MAP2: variants seen among roughly 807,000 people sequenced by gnomAD.
The protein encoded by MAP2 is microtubule-associated protein 2.
In MAP2, 14 loss-of-function variants were observed where a neutral mutation model predicts 137.6. The ratio of observed to expected loss-of-function variants is 0.10; its 90% CI spans 0.07 to 0.16. The LOEUF (loss-of-function observed/expected upper bound fraction) is 0.16. Among genes scored for constraint, MAP2 ranks in the 10% least tolerant of loss-of-function variants. MAP2 has a pLI of 1.00. For missense variants in MAP2, 2,088 were observed against 2,191.5 expected, an observed-to-expected ratio of 0.95 and a Z score of 0.94; for synonymous variants, 786 against 782.3, an observed-to-expected ratio of 1.00 and a Z score of -0.08.
intron 4 of MAP2, among the ~76,000 whole-genome samples, chr2:209,639,374 ATTAAT>A (rs1318046811): frequency 6.6e-6 from 1 of 152,186 alleles, no homozygotes; most frequent in East Asian, 1.9e-4. Flanking sequence ...ATTAGACTGT[ATTAAT>A]TTGAGGATTA....
intron 2 of MAP2, among the ~76,000 whole-genome samples, chr2:209,517,601 A>G (rs2062696008): frequency 6.6e-6 from 1 of 152,096 alleles, no homozygotes; most frequent in Non-Finnish European, 1.5e-5. Context: ...TAAAGCCCAC[A>G]TTATTGTAGT....
rs1002848404 is a variant in MAP2, at chr2:209,530,220, C to T, written c.-172+22579C>T. The stretch of plus-strand genomic sequence containing the variant: ...GGGAGAAATGCAGAGATGGGCATGA[C>T]CTCTCCCTTTACACACATTTCTGAC... On this transcript the variant is annotated intron_variant, in intron 2 of 15. Coordinates refer to ENST00000682079, the MANE Select transcript of MAP2 (RefSeq NM_001375505.1). Among the ~76,000 whole-genome samples, 6 of 152,054 alleles carry T rather than the reference C, an allele frequency of 3.9e-5. No individual in the cohort carries two copies. The South Asian group carries it at 1.2e-3, about 32-fold the overall frequency.
chr2:209,537,732 A>G (rs2066206494), intron 2 of MAP2, among the ~76,000 whole-genome samples: 1 of 152,150 alleles, frequency 6.6e-6, no homozygotes, highest in African/African-American at 2.4e-5. Context: ...ATTCTAATAA[A>G]TCCTGGACTT....
intron 2 of MAP2, among the ~76,000 whole-genome samples, chr2:209,524,180 A>G (rs2063684305): frequency 6.6e-6 from 1 of 152,202 alleles, no homozygotes. Context: ...TTAGATGCTC[A>G]GTGATGCATA....
chr2:209,592,354 GACTT>G (rs1234301415), intron 3 of MAP2, among the ~76,000 whole-genome samples: 2 of 152,242 alleles, frequency 1.3e-5, no homozygotes, highest in African/African-American at 4.8e-5. Context: ...CACAAGTCAT[GACTT>G]ACTTACCCTC....
At chr2:209,660,884 G>A (rs1163770577) in intron 5 of MAP2, among the ~76,000 whole-genome samples, 4 of 148,594 alleles carry the variant, frequency 2.7e-5, no homozygotes, top group African/African-American at 5.0e-5. Flanking sequence ...ACAGGTGCCC[G>A]CCACCACGCC....
chr2:209,456,237 G>A (rs1342075160), intron 1 of MAP2, among the ~76,000 whole-genome samples: 1 of 152,102 alleles, frequency 6.6e-6, no homozygotes, highest in Non-Finnish European at 1.5e-5. Context: ...GCATCCTTAG[G>A]AATTATAATC....
intron 12 of MAP2, among the ~76,000 whole-genome samples, chr2:209,705,992 T>C (rs890782753): frequency 6.6e-6 from 1 of 152,166 alleles, no homozygotes; most frequent in Non-Finnish European, 1.5e-5. Flanking sequence ...ATTTTTCTTT[T>C]TGCTTCAAAT....
At chr2:209,489,464 CT>C (rs2058801970) in intron 1 of MAP2, among the ~76,000 whole-genome samples, 1 of 152,134 alleles carries the variant, frequency 6.6e-6, no homozygotes, top group Non-Finnish European at 1.5e-5. Flanking sequence ...CAGAAGTAGG[CT>C]TCAGAAGGTG....
At chr2:209,476,192 CT>C (rs1707167845) in intron 1 of MAP2, among the ~76,000 whole-genome samples, 1 of 151,918 alleles carries the variant, frequency 6.6e-6, no homozygotes, top group Non-Finnish European at 1.5e-5. Flanking sequence ...ATTGTGGATC[CT>C]AGTTTTGGAA....
chr2:209,690,551 G>A lies in MAP2; in HGVS notation c.455-2074G>A, dbSNP rs147303545. 64 of 1,209,068 alleles carry A rather than the reference G, an allele frequency of 5.3e-5. No individual in the cohort carries two copies. The African/African-American group carries it at 6.8e-4, about 13-fold the overall frequency. The allele number at this position is 1,209,068 out of a possible 1,614,324, so 74.9% of individuals were successfully genotyped here. On this transcript the variant is annotated intron_variant, in intron 7 of 15. Transcript: ENST00000682079. ...GTGTTCCTTTAGCAATATTTCTGTC[G>A]TTTCATGTATTGTTCTGTGGTCATG...
intron 3 of MAP2, among the ~76,000 whole-genome samples, chr2:209,593,745 AT>A (rs1164782433): frequency 1.2e-3 from 1 of 818 alleles, no homozygotes; most frequent in African/African-American, 1.3e-3. Context: ...AATACATTAT[AT>A]TATATTATAT....
intron 7 of MAP2, among the ~76,000 whole-genome samples, chr2:209,685,097 A>G (rs912560239): frequency 3.2e-4 from 48 of 152,118 alleles, no homozygotes; most frequent in Admixed American, 1.1e-3. Context: ...CCAAAATGTT[A>G]TGGTTTATGT....
intron 3 of MAP2, among the ~76,000 whole-genome samples, chr2:209,620,789 T>A (rs2090910784): frequency 6.6e-6 from 1 of 152,204 alleles, no homozygotes; most frequent in African/African-American, 2.4e-5. Flanking sequence ...TTGCTCAAAA[T>A]CTTGGTAGGT....
chr2:209,497,910 A>G (rs1005129770), intron 1 of MAP2, among the ~76,000 whole-genome samples: 1 of 152,298 alleles, frequency 6.6e-6, no homozygotes, highest in Non-Finnish European at 1.5e-5. Context: ...TATGAAAACT[A>G]TATCATCCTG....
At chr2:209,638,758 A>G (rs1356256070) in intron 4 of MAP2, among the ~76,000 whole-genome samples, 1 of 152,260 alleles carries the variant, frequency 6.6e-6, no homozygotes, top group East Asian at 1.9e-4. Flanking sequence ...GTTATAATGT[A>G]TGTTTTTTCA....
At chr2:209,594,506 C>T (rs764915177) in intron 3 of MAP2, among the ~76,000 whole-genome samples, 33 of 152,124 alleles carry the variant, frequency 2.2e-4, no homozygotes, top group Non-Finnish European at 3.2e-4. Context: ...TAACAAAACA[C>T]GTTTCCCTGG....
intron 4 of MAP2, among the ~76,000 whole-genome samples, chr2:209,647,202 G>A (rs550193585): frequency 2.4e-4 from 36 of 152,134 alleles, no homozygotes; most frequent in African/African-American, 8.4e-4. Flanking sequence ...AACCATTCAT[G>A]AGAAAACCAC....
At chr2:209,571,851 A>G (rs2074444461) in intron 2 of MAP2, among the ~76,000 whole-genome samples, 1 of 152,006 alleles carries the variant, frequency 6.6e-6, no homozygotes, top group East Asian at 1.9e-4. Context: ...TTGAATGCTG[A>G]CAATAAGAAT....
Sources: gnomAD v4.1 joint callset for allele counts (sites outside exome capture counted in the v4.1 genomes callset) on GRCh38, gnomAD v4.1.1 for gene constraint, MANE v1.5 for transcripts, NCBI Gene and HGNC (gene_info 2026-07-23, HGNC 2026-07-21) for gene names.